Variants in POLRMT observed in about 807,000 individuals in gnomAD.
POLRMT encodes DNA-directed RNA polymerase, mitochondrial.
In POLRMT, 114 loss-of-function variants were observed where a neutral mutation model predicts 132.2. The observed-to-expected ratio is 0.86, with a 90% CI of 0.74 to 1.01. The LOEUF is 1.01. Ranked by LOEUF, POLRMT falls within the 50% of genes least tolerant of loss-of-function variation. The probability of loss-of-function intolerance (pLI) is 0.00; values close to 1 mark genes in which losing one functional copy is unlikely to be tolerated. For synonymous variants in POLRMT, 1,020 were observed against 773.4 expected, an observed-to-expected ratio of 1.32 and a Z score of -5.29; for missense variants, 2,003 against 1,729.1, an observed-to-expected ratio of 1.16 and a Z score of -2.81.
At chr19:617,749 T>A in intron 18 of POLRMT, 28 bp downstream of exon 18, 1 of 1,612,526 alleles carries the variant, frequency 6.2e-7, no homozygotes, top group Non-Finnish European at 8.5e-7. Context: ...CACCCATGGG[T>A]GGACTGAGGC....
At chr19:625,503 T>G (rs1044622580) in intron 3 of POLRMT, 1 of 469,176 alleles carries the variant, frequency 2.1e-6, no homozygotes, top group Non-Finnish European at 3.8e-6. Flanking sequence ...AGGCAGCTTG[T>G]TAAACCTCCA....
In POLRMT at chr19:622,707, C is replaced by T. The variant is rs774620061; in HGVS notation, c.1501G>A (p.Ala501Thr). The change falls in exon 8 of 21, where the codon GCC becomes ACC. Residue 501 changes from alanine to threonine, a missense_variant. Transcript: ENST00000588649. ...PAQGESFTTLARELSARTFSR... is the reference protein window; with the variant it reads ...PAQGESFTTLTRELSARTFSR... ...AAAGTGCGCGCACTCAGCTCCCGGG[C>T]CAGGGTGGTGAAGGACTCACCTTGG... 1 of 1,603,474 alleles carries T rather than the reference C, an allele frequency of 6.2e-7. No individual in the cohort carries two copies. The highest frequency in any genetic ancestry group is 8.5e-7 in the Non-Finnish European group (1 of 1,176,370).
Position 617,317 on chromosome 19 carries a change from A to G in POLRMT, c.3650T>C (p.Phe1217Ser). Residue 1217 changes from phenylalanine to serine, a missense_variant, in exon 21 of 21, where the codon TTC (phenylalanine) becomes TCC (serine). Physicochemically the swap from Phe to Ser is radical, Grantham distance 155. Transcript: ENST00000588649. ...TLQAVPKPGA[F>S]DLEQVKRSTY... is the part of the protein sequence containing the mutation. ...GGAACGCTTCACCTGCTCCAGGTCG[A>G]AGGCCCCTGCGGAGGAAGCAGAGCG... 6.2e-7 allele frequency: 1 copy of G among 1,612,908 alleles called. No individual in the cohort carries two copies.
rs1320585412 is a variant in POLRMT, at chr19:632,937, C to T, written c.90G>A (p.Gly30=). Residue 30 remains glycine (G), a splice_region_variant and synonymous_variant, in exon 2 of 21, where the codon GGG becomes GGA. Coordinates refer to ENST00000588649, the MANE Select transcript of POLRMT (RefSeq NM_005035.4). ...CGRPGLPGKE[G]TAGGVCGPRR... is the part of the protein sequence containing the mutation. ...TGGGGCCGCAGACGCCACCGGCGGT[C>T]CCTGCGGGAAAGACGAGAGCGGCTG... 2 of 1,508,110 alleles carry T rather than the reference C, an allele frequency of 1.3e-6. No individual in the cohort carries two copies. The highest frequency in any genetic ancestry group is 1.4e-5 in the African/African-American group (1 of 70,362). The allele number at this position is 1,508,110 out of a possible 1,614,324, so 93.4% of individuals were successfully genotyped here.
At chr19:625,775 G>T (rs1984978896) in intron 3 of POLRMT, among the ~76,000 whole-genome samples, 1 of 150,564 alleles carries the variant, frequency 6.6e-6, no homozygotes, top group Non-Finnish European at 1.5e-5. Context: ...AATCTCAGCT[G>T]GGCCGGGTTC....
chr19:617,268 G>A lies in POLRMT; in HGVS notation c.*6C>T, dbSNP rs78714943. ...TTATTTACACACTGACAAGGCTCAC[G>A]GGGTGTCAGCTGAAGAAGTAGGTGG... On this transcript the variant is annotated 3_prime_UTR_variant, in exon 21 of 21. Transcript: ENST00000588649. 146 of 1,612,546 alleles carry A rather than the reference G, an allele frequency of 9.1e-5. No individual in the cohort carries two copies. Among genetic ancestry groups the A allele is most frequent in the Middle Eastern group, 5.0e-4 (3 of 5,954 alleles).
At position 622,026 on chromosome 19, in the gene POLRMT, C is replaced by A. The variant is rs1432080697; in HGVS notation, c.1851+123G>T. Reference sequence around the variant, plus strand: ...CTGCATGGACACCCATGGTGTGTCCCGAGTCCTGGGAGGTACTGACGGCTG... The same window carrying A: ...CTGCATGGACACCCATGGTGTGTCCAGAGTCCTGGGAGGTACTGACGGCTG... On this transcript the variant is annotated intron_variant, in intron 9 of 20. Transcript: ENST00000588649. 4 of 1,170,994 alleles carry A rather than the reference C, an allele frequency of 3.4e-6. No homozygotes were observed. The Admixed American group carries it at 1.0e-4, about 30-fold the overall frequency. The allele number at this position is 1,170,994 out of a possible 1,614,324, so 72.5% of individuals were successfully genotyped here.
rs1183067325 is a variant in POLRMT, at chr19:626,658, C to T, written c.823-1404G>A. 2.3e-4 allele frequency among the ~76,000 whole-genome samples: 29 copies of T among 124,314 alleles called. No individual in the cohort carries two copies. The South Asian group carries it at 5.3e-3, about 23-fold the overall frequency. The allele number at this position is 124,314 out of a possible 152,430, so 81.6% of individuals were successfully genotyped here. A position where few individuals can be genotyped will look rare whatever the true frequency, so the allele number is the denominator to read the frequency against. The stretch of plus-strand genomic sequence containing the variant: ...AAAAAAAAAAAAAAAATTAGCTGGG[C>T]GTGGTGGCTCATGCCTGTGCTCCCT... On this transcript the variant is annotated intron_variant, in intron 3 of 20. Transcript: ENST00000588649.
intron 11 of POLRMT, 77 bp from the exon 12 acceptor site, chr19:620,157 C>T (rs924938443): frequency 5.9e-6 from 9 of 1,515,418 alleles, no homozygotes; most frequent in African/African-American, 1.4e-5. Flanking sequence ...CCCCCCAGGT[C>T]GAGCCGTTCC....
intron 19 of POLRMT, 29 bp downstream of exon 19, chr19:617,541 C>CA (rs1568372832): frequency 6.2e-7 from 1 of 1,609,978 alleles, no homozygotes; most frequent in Non-Finnish European, 8.5e-7. Context: ...GGGGGGAATC[C>CA]AGGTAGTTGG....
intron 2 of POLRMT, among the ~76,000 whole-genome samples, chr19:631,894 C>T (rs1442436638): frequency 1.3e-5 from 2 of 152,172 alleles, no homozygotes; most frequent in African/African-American, 4.8e-5. Flanking sequence ...CCTGCCTCAG[C>T]CTCCTGAGTA....
At chr19:633,311 C>T in intron 1 of POLRMT, 114 bp downstream of exon 1, 1 of 1,268,488 alleles carries the variant, frequency 7.9e-7, no homozygotes, top group Non-Finnish European at 1.0e-6. Context: ...GGTCGGTGGG[C>T]TGCGCACGCC....
chr19:621,871 C>G (rs368493492), intron 9 of POLRMT, 25 bp from the exon 10 acceptor site: 1 of 1,599,360 alleles, frequency 6.3e-7, no homozygotes, highest in Non-Finnish European at 8.5e-7. Context: ...GCAGACGGGT[C>G]AGGGCCCCGG....
At chr19:631,338 A>AAAAGG (rs764803872) in intron 2 of POLRMT, among the ~76,000 whole-genome samples, 1 of 113,360 alleles carries the variant, frequency 8.8e-6, no homozygotes, top group Admixed American at 9.1e-5. Context: ...AAAAAAAAAA[A>AAAAGG]GGGGGGGGGG....
chr19:629,418 T>A, intron 3 of POLRMT, 122 bp downstream of exon 3: 1 of 1,065,294 alleles, frequency 9.4e-7, no homozygotes, highest in South Asian at 3.0e-5. Flanking sequence ...CTAAAAGAAT[T>A]ATTAAAATAA....
intron 3 of POLRMT, among the ~76,000 whole-genome samples, chr19:628,246 T>C (rs886406706): frequency 2.6e-5 from 4 of 152,186 alleles, no homozygotes; most frequent in South Asian, 2.1e-4. Context: ...TGGGACACTT[T>C]CGTAGGGGCC....
chr19:633,132 CCGCCGAGAGAGGGTTCCT>C, intron 1 of POLRMT, 194 bp from the exon 2 acceptor site: 1 of 604,406 alleles, frequency 1.7e-6, no homozygotes, highest in South Asian at 2.4e-5. Context: ...GGGCGCGGAA[CCGCCGAGAGAGGGTTCCT>C]CGCACTCGAG....
intron 3 of POLRMT, among the ~76,000 whole-genome samples, chr19:627,699 C>G (rs1985123540): frequency 6.7e-6 from 1 of 148,184 alleles, no homozygotes; most frequent in Admixed American, 6.7e-5. Context: ...CTGAGGCGGG[C>G]GGATTACCTG....
At chr19:618,609 TG>T in intron 16 of POLRMT, 23 bp from the exon 17 acceptor site, 1 of 1,603,684 alleles carries the variant, frequency 6.2e-7, no homozygotes, top group Non-Finnish European at 8.5e-7. Flanking sequence ...CAGGTGCCGG[TG>T]GGGGCGGCCC....
Sources: gnomAD v4.1 joint callset for allele counts (sites outside exome capture counted in the v4.1 genomes callset) on GRCh38, gnomAD v4.1.1 for gene constraint, MANE v1.5 for transcripts, NCBI Gene and HGNC (gene_info 2026-07-23, HGNC 2026-07-21) for gene names.